DSE: variants seen among roughly 807,000 people sequenced by gnomAD.
DSE encodes dermatan-sulfate epimerase.
Under a neutral mutation model 84.4 loss-of-function variants are expected in DSE, and 36 were observed. That is an observed-to-expected ratio of 0.43 (90% confidence interval 0.33 to 0.56). The LOEUF (loss-of-function observed/expected upper bound fraction) is 0.56, where lower values mean the gene tolerates loss of function less well. Ranked by LOEUF, DSE falls within the 20% of genes least tolerant of loss-of-function variation. The pLI, the probability that DSE is intolerant of heterozygous loss-of-function variation, is 0.06. For missense variants in DSE, 862 were observed against 1,169.6 expected (o/e 0.74, Z 3.84); for synonymous variants, 410 against 430.1 (o/e 0.95, Z 0.58).
intron 2 of DSE, among the ~76,000 whole-genome samples, chr6:116,425,960 T>G (rs1783424907): frequency 6.6e-6 from 1 of 152,208 alleles, no homozygotes; most frequent in African/African-American, 2.4e-5. Flanking sequence ...TTTAAGGCAG[T>G]GCAGTTCAGT....
intron 3 of DSE, among the ~76,000 whole-genome samples, chr6:116,427,306 A>G (rs1372608670): frequency 6.6e-6 from 1 of 152,178 alleles, no homozygotes; most frequent in Non-Finnish European, 1.5e-5. Flanking sequence ...ATTTTTGTGG[A>G]TTGTGTAGCT....
intron 2 of DSE, among the ~76,000 whole-genome samples, chr6:116,273,387 C>T (rs1263076420): frequency 6.6e-6 from 1 of 152,192 alleles, no homozygotes; most frequent in African/African-American, 2.4e-5. Context: ...GTCTTGACAA[C>T]CTCTGAGGTC....
intron 2 of DSE, among the ~76,000 whole-genome samples, chr6:116,349,105 CAT>C (rs1778167435): frequency 6.6e-6 from 1 of 151,988 alleles, no homozygotes; most frequent in Non-Finnish European, 1.5e-5. Context: ...TACCCTAGAA[CAT>C]AAAGTATAAC....
In DSE at chr6:116,392,877, G is replaced by T. The variant is rs945764619; in HGVS notation, c.-53-6321G>T. ...CATTCTGGTTTTTCATATGTGAGAG[G>T]TAGGGAAGCCTAACATTAAGTAGCA... On this transcript the variant is annotated intron_variant, in intron 1 of 5. Transcript: ENST00000644252. Among the ~76,000 whole-genome samples, 3 of 152,146 alleles carry T rather than the reference G, an allele frequency of 2.0e-5. No individual in the cohort carries two copies. In the East Asian group the frequency reaches 5.8e-4, roughly 29 times the overall value.
At chr6:116,361,653 C>G (rs1397735549) in intron 2 of DSE, among the ~76,000 whole-genome samples, 1 of 152,132 alleles carries the variant, frequency 6.6e-6, no homozygotes, top group Non-Finnish European at 1.5e-5. Context: ...AAGACCCCAT[C>G]TCTGGAAAGA....
chr6:116,273,826 GTTTT>G (rs1350705791), intron 2 of DSE, among the ~76,000 whole-genome samples: 1 of 88,852 alleles, frequency 1.1e-5, no homozygotes, highest in Non-Finnish European at 2.0e-5. Context: ...CAAAAAGTAT[GTTTT>G]TTTGTTTTTT....
chr6:116,291,234 T>C (rs986192998), intron 2 of DSE, among the ~76,000 whole-genome samples: 1 of 152,126 alleles, frequency 6.6e-6, no homozygotes. Flanking sequence ...ATAATTATAA[T>C]ACTAGGAGAG....
Position 116,437,382 on chromosome 6 carries a change from A to T in DSE, c.*37A>T. The T allele has an allele frequency of 6.7e-7, 1 of 1,500,354 alleles. No homozygotes were observed. The highest frequency in any genetic ancestry group is 8.9e-7 in the Non-Finnish European group (1 of 1,127,868). The allele number at this position is 1,500,354 out of a possible 1,614,324, so 92.9% of individuals were successfully genotyped here. ...TAAATTACCTGGTCATTTTGTGATC[A>T]CAAGAGTCTATGCAAAAAAAAAAAT... On this transcript the variant is annotated 3_prime_UTR_variant, in exon 6 of 6. Transcript: ENST00000644252.
intron 2 of DSE, among the ~76,000 whole-genome samples, chr6:116,354,445 A>G (rs1778475114): frequency 6.6e-6 from 1 of 151,962 alleles, no homozygotes; most frequent in Admixed American, 6.6e-5. Context: ...TTTAAGGGAG[A>G]GTGGGTGGAG....
intron 2 of DSE, among the ~76,000 whole-genome samples, chr6:116,261,144 G>A (rs569447680): frequency 1.3e-5 from 2 of 152,036 alleles, no homozygotes; most frequent in East Asian, 1.9e-4. Flanking sequence ...ATGCATCTCC[G>A]ATTTCTTTGA....
chr6:116,329,178 ACT>A (rs1253441900), intron 2 of DSE, among the ~76,000 whole-genome samples: 1 of 152,210 alleles, frequency 6.6e-6, no homozygotes, highest in African/African-American at 2.4e-5. Context: ...AGTAATTCTA[ACT>A]CTCAAATGCA....
chr6:116,294,800 A>T (rs557243647), intron 2 of DSE, among the ~76,000 whole-genome samples: 16 of 152,148 alleles, frequency 1.1e-4, no homozygotes, highest in Non-Finnish European at 2.4e-4. Flanking sequence ...AGATGTGAAT[A>T]ACAAGTCTCT....
intron 2 of DSE, among the ~76,000 whole-genome samples, chr6:116,310,725 A>G (rs987956857): frequency 1.3e-5 from 2 of 152,048 alleles, no homozygotes; most frequent in African/African-American, 4.8e-5. Flanking sequence ...ATCAAATCTC[A>G]CCTGGTCTAC....
chr6:116,358,503 C>G (rs1778699519), intron 2 of DSE, among the ~76,000 whole-genome samples: 1 of 152,102 alleles, frequency 6.6e-6, no homozygotes, highest in South Asian at 2.1e-4. Flanking sequence ...AGTATCCTTC[C>G]CAGTGGCAGG....
chr6:116,369,738 T>C (rs1779392488), upstream of DSE: 1 of 388,244 alleles, frequency 2.6e-6, no homozygotes, highest in Non-Finnish European at 4.9e-6. Flanking sequence ...CTTGACCTGT[T>C]TGTAAGGAGT....
chr6:116,321,986 G>T (rs1242813457), intron 2 of DSE, among the ~76,000 whole-genome samples: 1 of 152,112 alleles, frequency 6.6e-6, no homozygotes, highest in African/African-American at 2.4e-5. Flanking sequence ...GAAGGAAGGG[G>T]TTTGTTCGGC....
At chr6:116,310,521 C>T (rs1312786384) in intron 2 of DSE, among the ~76,000 whole-genome samples, 1 of 152,148 alleles carries the variant, frequency 6.6e-6, no homozygotes, top group African/African-American at 2.4e-5. Flanking sequence ...CTCCAGTTTT[C>T]CTCATCTTGG....
chr6:116,321,461 C>T (rs1776316636), intron 2 of DSE, among the ~76,000 whole-genome samples: 1 of 151,594 alleles, frequency 6.6e-6, no homozygotes, highest in Admixed American at 6.6e-5. Flanking sequence ...CAAGCATGAG[C>T]TACTGCACCC....
At chr6:116,291,023 C>G (rs760802328) in intron 2 of DSE, among the ~76,000 whole-genome samples, 3 of 152,172 alleles carry the variant, frequency 2.0e-5, no homozygotes, top group African/African-American at 4.8e-5. Flanking sequence ...CAGACCACTT[C>G]GTCTGTTCTT....
Sources: gnomAD v4.1 joint callset for allele counts (sites outside exome capture counted in the v4.1 genomes callset) on GRCh38, gnomAD v4.1.1 for gene constraint, MANE v1.5 for transcripts, NCBI Gene and HGNC (gene_info 2026-07-23, HGNC 2026-07-21) for gene names.